Variants in RLIM observed in about 807,000 individuals in gnomAD.
The protein encoded by RLIM is ring finger protein, LIM domain interacting.
A neutral mutation model predicts 34.0 loss-of-function variants in RLIM; 2 were observed. The ratio of observed to expected loss-of-function variants is 0.06; its 90% CI spans 0.02 to 0.19. RLIM has a LOEUF of 0.19. Among genes scored for constraint, RLIM ranks in the 10% least tolerant of loss-of-function variants. The pLI, the probability that RLIM is intolerant of heterozygous loss-of-function variation, is 1.00. For synonymous variants in RLIM, 169 were observed against 164.0 expected, an observed-to-expected ratio of 1.03 and a Z score of -0.23; for missense variants, 286 against 479.7, an observed-to-expected ratio of 0.60 and a Z score of 3.77.
intron 1 of RLIM, among the ~76,000 whole-genome samples, chrX:74,613,727 T>C (rs2079722828): frequency 9.3e-6 from 1 of 108,103 alleles, no homozygotes; most frequent in South Asian, 4.2e-4. Context: ...TTCCATCCCT[T>C]ATCCAGGAGA....
At chrX:74,607,811 T>C (rs998146032) in intron 1 of RLIM, among the ~76,000 whole-genome samples, 13 of 112,834 alleles carry the variant, frequency 1.2e-4, no homozygotes, top group African/African-American at 4.2e-4. Context: ...ACATGTGATC[T>C]GTGTCAATGA....
In RLIM at chrX:74,592,622, A is replaced by T. The variant is rs971652329; in HGVS notation, c.693T>A (p.Pro231=). The T allele has an allele frequency of 3.3e-6, 4 of 1,211,777 alleles. No individual in the cohort carries two copies. Among genetic ancestry groups the T allele is most frequent in the Non-Finnish European group, 4.5e-6 (4 of 895,488 alleles). ...TRARAERSRS[P]LHPMSEIPRR... The stretch of plus-strand genomic sequence containing the variant: ...GTGGAATTTCACTCATTGGATGCAG[A>T]GGTGACCTACTTCTTTCAGCTCTTG... The change falls in exon 4 of 4, where the codon CCT becomes CCA. Residue 231 remains proline, a synonymous_variant. Transcript: ENST00000332687.
In RLIM at chrX:74,584,545, T is replaced by A. The variant is rs1931300175; in HGVS notation, c.*6895A>T. On this transcript the variant is annotated 3_prime_UTR_variant, in exon 4 of 4. Coordinates refer to ENST00000332687, the MANE Select transcript of RLIM (RefSeq NM_016120.4). ...TGACCATTAAGAGTTCAGTTTATAA[T>A]CCACCCAGATTTATCGAATCCTTTC... Among the ~76,000 whole-genome samples the A allele has an allele frequency of 8.9e-6, 1 of 111,936 alleles. No individual in the cohort carries two copies. Among genetic ancestry groups the A allele is most frequent in the Non-Finnish European group, 1.9e-5 (1 of 53,229 alleles).
At chrX:74,601,102 A>G (rs1357893132) in intron 1 of RLIM, among the ~76,000 whole-genome samples, 1 of 111,578 alleles carries the variant, frequency 9.0e-6, no homozygotes, top group Non-Finnish European at 1.9e-5. Flanking sequence ...AAAGATTTAA[A>G]ACACTGAATG....
rs928478155 is a variant in RLIM at position 74,584,080 on chromosome X, CTTT to C, written c.*7357_*7359del. Among the ~76,000 whole-genome samples the C allele has an allele frequency of 9.1e-6, 1 of 109,961 alleles. No individual in the cohort carries two copies. The highest frequency in any genetic ancestry group is 3.8e-4 in the South Asian group (1 of 2,628). On this transcript the variant is annotated 3_prime_UTR_variant, in exon 4 of 4. Transcript: ENST00000332687. ...AAAAATAAACAAAAACCAATTTGGC[CTTT>C]TTTTTTCTTGGCAAACCAGCCAAAA...
Position 74,596,002 on chromosome X carries a change from TGAAAAGA to T in RLIM, c.-23-9_-23-3del, listed in dbSNP as rs1474065970. On this transcript the variant is annotated splice_polypyrimidine_tract_variant and splice_region_variant and intron_variant, in intron 1 of 3. Transcript: ENST00000332687. ...TATTGATGAACAAGTGGAAAATACC[TGAAAAGA>T]GAAAAGAGACTAATCTTGAAAATAA... 7 of 1,092,975 alleles carry T rather than the reference TGAAAAGA, an allele frequency of 6.4e-6. No individual in the cohort carries two copies. In the Admixed American group the frequency reaches 8.4e-5, roughly 13 times the overall value. 90.1% of individuals were successfully genotyped at this position (1,092,975 alleles called of 1,213,427 possible).
intron 1 of RLIM, among the ~76,000 whole-genome samples, chrX:74,596,248 G>GT (rs2079639358): frequency 8.9e-6 from 1 of 111,990 alleles, no homozygotes; most frequent in Non-Finnish European, 1.9e-5. Context: ...CCATACTGTG[G>GT]TATTTTTTGT....
chrX:74,591,373 A>T lies in RLIM; in HGVS notation c.*67T>A. ...TTTAAGTACCACTCAAAAAGTGGAC[A>T]TAAAAGCAAGTGATTCCTGTTTGCC... On this transcript the variant is annotated 3_prime_UTR_variant, in exon 4 of 4. Transcript: ENST00000332687. 1 of 900,413 alleles carries T rather than the reference A, an allele frequency of 1.1e-6. No individual in the cohort carries two copies. Among genetic ancestry groups the T allele is most frequent in the South Asian group, 2.3e-5 (1 of 42,890 alleles). The allele number at this position is 900,413 out of a possible 1,213,427, so 74.2% of individuals were successfully genotyped here.
At position 74,584,781 on chromosome X, in the gene RLIM, G is replaced by T. The variant is rs1931306482; in HGVS notation, c.*6659C>A. Among the ~76,000 whole-genome samples the T allele has an allele frequency of 8.9e-6, 1 of 111,791 alleles. No individual in the cohort carries two copies. The highest frequency in any genetic ancestry group is 3.3e-5 in the African/African-American group (1 of 30,716). On this transcript the variant is annotated 3_prime_UTR_variant, in exon 4 of 4. Coordinates refer to ENST00000332687, the MANE Select transcript of RLIM (RefSeq NM_016120.4). ...TCCTTTTCACTGACCTAAGATGCCT[G>T]TGCTTTGGCTTCATTGTCTAGAGCA...
rs765770863 is a variant in RLIM at position 74,601,659 on chromosome X, G to A, written c.-23-5659C>T. ...CATGGATATTTTTTAAATTCCACAGGTAATTCTATTTTGAAAGTCAGGGTT... is the reference window on the plus strand; with the variant it reads ...CATGGATATTTTTTAAATTCCACAGATAATTCTATTTTGAAAGTCAGGGTT... On this transcript the variant is annotated intron_variant, in intron 1 of 3. Transcript: ENST00000332687. 8.0e-5 allele frequency among the ~76,000 whole-genome samples: 9 copies of A among 111,831 alleles called. No individual in the cohort carries two copies. The South Asian group carries it at 3.4e-3, about 42-fold the overall frequency.
At chrX:74,593,105 T>A in intron 3 of RLIM, 44 bp from the exon 4 acceptor site, 1 of 1,144,017 alleles carries the variant, frequency 8.7e-7, no homozygotes, top group Non-Finnish European at 1.2e-6. Flanking sequence ...AAGGAACTAC[T>A]AAAATGAGGA....
At chrX:74,611,603 G>A (rs748012348) in intron 1 of RLIM, among the ~76,000 whole-genome samples, 17 of 112,100 alleles carry the variant, frequency 1.5e-4, no homozygotes, top group South Asian at 3.7e-4. Context: ...CGTAACAGAC[G>A]AAAAGGGGGG....
Position 74,589,911 on chromosome X carries a change from T to C in RLIM, c.*1529A>G, listed in dbSNP as rs989442986. 1.8e-5 allele frequency: 2 copies of C among 112,340 alleles called. No individual in the cohort carries two copies. The highest frequency in any genetic ancestry group is 6.5e-5 in the African/African-American group (2 of 30,962). The allele number at this position is 112,340 out of a possible 1,213,427, so 9.3% of individuals were successfully genotyped here. On this transcript the variant is annotated 3_prime_UTR_variant, in exon 4 of 4. Transcript: ENST00000332687. ...CCAACATAAAGTGCATGTCCATAGA[T>C]AGCGAGTCAGCAGTCTCATTTTCAT...
At position 74,597,560 on chromosome X, in the gene RLIM, A is replaced by G. The variant is rs1258746241; in HGVS notation, c.-23-1560T>C. Among the ~76,000 whole-genome samples the G allele has an allele frequency of 1.4e-4, 16 of 112,199 alleles. No homozygotes were observed. In the Admixed American group the frequency reaches 1.5e-3, roughly 11 times the overall value. ...TCAGCAAAACCTGAAGCAGAATCTC[A>G]TAATAAGATATGTTACTACTGGAAT... On this transcript the variant is annotated intron_variant, in intron 1 of 3. Coordinates refer to ENST00000332687, the MANE Select transcript of RLIM (RefSeq NM_016120.4).
chrX:74,603,816 A>G (rs981808440), intron 1 of RLIM, among the ~76,000 whole-genome samples: 2 of 112,018 alleles, frequency 1.8e-5, no homozygotes, highest in African/African-American at 6.5e-5. Context: ...ATCAAAAAAA[A>G]TCATTTCAGC....
chrX:74,605,138 T>C (rs888242073), intron 1 of RLIM, among the ~76,000 whole-genome samples: 16 of 111,663 alleles, frequency 1.4e-4, no homozygotes, highest in Admixed American at 1.1e-3. Context: ...CTAGACATAA[T>C]TACATTTGCA....
chrX:74,593,434 G>A (rs749086866), intron 3 of RLIM, among the ~76,000 whole-genome samples: 3 of 112,230 alleles, frequency 2.7e-5, no homozygotes, highest in Admixed American at 1.9e-4. Flanking sequence ...AGTGTTTAAC[G>A]AACAGTCACA....
At chrX:74,606,879 T>C (rs1228569858) in intron 1 of RLIM, among the ~76,000 whole-genome samples, 1 of 111,786 alleles carries the variant, frequency 8.9e-6, no homozygotes, top group Non-Finnish European at 1.9e-5. Context: ...CCGACATCTG[T>C]AATCCTAGCA....
At chrX:74,596,194 A>G (rs997926323) in intron 1 of RLIM, among the ~76,000 whole-genome samples, 194 bp from the exon 2 acceptor site, 4 of 112,501 alleles carry the variant, frequency 3.6e-5, no homozygotes, top group Admixed American at 9.4e-5. Context: ...ACAGCCCTTG[A>G]ACCAGACAGG....
Sources: gnomAD v4.1 joint callset for allele counts (sites outside exome capture counted in the v4.1 genomes callset) on GRCh38, gnomAD v4.1.1 for gene constraint, MANE v1.5 for transcripts, NCBI Gene and HGNC (gene_info 2026-07-23, HGNC 2026-07-21) for gene names.